C9orf85: variants seen among roughly 807,000 people sequenced by gnomAD.
The protein encoded by C9orf85 is uncharacterized protein C9orf85.
A neutral mutation model predicts 14.9 loss-of-function variants in C9orf85; 16 were observed. The observed-to-expected ratio is 1.08, with a 90% CI of 0.73 to 1.63. The LOEUF (loss-of-function observed/expected upper bound fraction) is 1.63, where lower values mean the gene tolerates loss of function less well. Ranked by LOEUF, C9orf85 falls within the 40% of genes most tolerant of loss-of-function variation. C9orf85 has a pLI of 0.00. For missense variants in C9orf85, 172 were observed against 186.1 expected, an observed-to-expected ratio of 0.92 and a Z score of 0.44; for synonymous variants, 45 against 56.8, an observed-to-expected ratio of 0.79 and a Z score of 0.93.
At chr9:71,954,275 G>C (rs1822324484) in intron 2 of C9orf85, among the ~76,000 whole-genome samples, 1 of 147,016 alleles carries the variant, frequency 6.8e-6, no homozygotes, top group African/African-American at 2.5e-5. Context: ...GGATTGGTTG[G>C]TCGGGGGGAG....
intron 2 of C9orf85, among the ~76,000 whole-genome samples, chr9:71,962,864 C>T (rs964155653): frequency 2.0e-5 from 3 of 152,012 alleles, no homozygotes; most frequent in Non-Finnish European, 2.9e-5. Flanking sequence ...GAGACCAGCC[C>T]GGCAAACATG....
intron 2 of C9orf85, among the ~76,000 whole-genome samples, chr9:71,952,527 G>A (rs1451482920): frequency 4.6e-5 from 7 of 152,026 alleles, no homozygotes; most frequent in African/African-American, 1.7e-4. Flanking sequence ...ACCACACCCG[G>A]CTAATTTTTT....
intron 2 of C9orf85, among the ~76,000 whole-genome samples, chr9:71,951,569 T>C (rs1822247225): frequency 6.6e-6 from 1 of 152,202 alleles, no homozygotes; most frequent in Non-Finnish European, 1.5e-5. Context: ...GCAATGGTGC[T>C]GTCAGTATCT....
chr9:71,913,864 C>G (rs1240376164), intron 1 of C9orf85, among the ~76,000 whole-genome samples: 2 of 144,000 alleles, frequency 1.4e-5, no homozygotes, highest in African/African-American at 5.1e-5. Context: ...CACTAAGTTG[C>G]ATTTGACCAT....
intron 3 of C9orf85, among the ~76,000 whole-genome samples, chr9:71,972,169 C>G (rs889790280): frequency 1.3e-5 from 2 of 151,976 alleles, no homozygotes; most frequent in Admixed American, 1.3e-4. Context: ...TATTTAACAA[C>G]TTTTCTTTTA....
At chr9:71,970,158 G>C (rs1822821039) in intron 2 of C9orf85, among the ~76,000 whole-genome samples, 1 of 152,052 alleles carries the variant, frequency 6.6e-6, no homozygotes, top group African/African-American at 2.4e-5. Flanking sequence ...ATGTTGGCCA[G>C]GCTAGTCTCA....
intron 3 of C9orf85, among the ~76,000 whole-genome samples, chr9:71,981,758 TG>T (rs1389853257): frequency 6.6e-6 from 1 of 152,228 alleles, no homozygotes; most frequent in African/African-American, 2.4e-5. Flanking sequence ...ATTTTTTTGC[TG>T]TTAAAAAGGA....
At chr9:71,945,209 G>A (rs1008606265) in intron 1 of C9orf85, among the ~76,000 whole-genome samples, 4 of 152,246 alleles carry the variant, frequency 2.6e-5, no homozygotes, top group African/African-American at 9.6e-5. Context: ...TGCTTAGTAA[G>A]ATGTTCTAGA....
chr9:71,931,966 A>G (rs1828081159), intron 1 of C9orf85, among the ~76,000 whole-genome samples: 2 of 152,292 alleles, frequency 1.3e-5, no homozygotes, highest in South Asian at 4.1e-4. Context: ...CTTAAGGATC[A>G]TCTGGAAAGC....
chr9:71,916,976 G>C (rs1240107408), intron 1 of C9orf85, among the ~76,000 whole-genome samples: 1 of 152,154 alleles, frequency 6.6e-6, no homozygotes, highest in Non-Finnish European at 1.5e-5. Flanking sequence ...TAAGATAGAT[G>C]CAAAATGATC....
At chr9:71,973,823 C>A (rs567842711), downstream of C9orf85, among the ~76,000 whole-genome samples, 305 of 145,738 alleles carry the variant, frequency 2.1e-3, 2 homozygotes, top group African/African-American at 6.6e-3. Context: ...TGTTTGTACT[C>A]CTAAACAATA....
At chr9:71,957,436 T>G (rs1398288016) in intron 2 of C9orf85, among the ~76,000 whole-genome samples, 1 of 152,118 alleles carries the variant, frequency 6.6e-6, no homozygotes. Flanking sequence ...TATTACTCAG[T>G]GAAAAACTGA....
intron 1 of C9orf85, among the ~76,000 whole-genome samples, chr9:71,922,867 C>T (rs192190050): frequency 3.2e-3 from 489 of 152,334 alleles, no homozygotes; most frequent in African/African-American, 0.011. Context: ...TCATGGCTCA[C>T]GCCTGTAATC....
chr9:71,964,703 A>G (rs1199409869), intron 2 of C9orf85, among the ~76,000 whole-genome samples: 1 of 152,208 alleles, frequency 6.6e-6, no homozygotes, highest in Non-Finnish European at 1.5e-5. Flanking sequence ...TCTTGAAGTC[A>G]GTGAGACCAA....
At chr9:71,966,558 G>C (rs574264314) in intron 2 of C9orf85, among the ~76,000 whole-genome samples, 11 of 152,248 alleles carry the variant, frequency 7.2e-5, no homozygotes, top group South Asian at 6.2e-4. Flanking sequence ...ATAATACATA[G>C]ATTAACAAGG....
At chr9:71,981,303 C>T (rs1823091030) in intron 3 of C9orf85, among the ~76,000 whole-genome samples, 1 of 152,218 alleles carries the variant, frequency 6.6e-6, no homozygotes, top group Non-Finnish European at 1.5e-5. Context: ...ATACAGCATC[C>T]TCTTTTTCTA....
intron 2 of C9orf85, among the ~76,000 whole-genome samples, chr9:71,970,091 T>G (rs1822818031): frequency 6.6e-6 from 1 of 152,110 alleles, no homozygotes; most frequent in Non-Finnish European, 1.5e-5. Flanking sequence ...ATTGCAGATG[T>G]GCTCCCCCAT....
chr9:71,974,996 ACTT>A (rs1226543709), downstream of C9orf85, among the ~76,000 whole-genome samples: 16 of 152,256 alleles, frequency 1.1e-4, no homozygotes, highest in African/African-American at 3.4e-4. Context: ...ATACTGAAAT[ACTT>A]AAGGATGTAA....
At position 71,934,080 on chromosome 9, in the gene C9orf85, A is replaced by C. The variant is rs11143033; in HGVS notation, c.103-12926A>C. Among the ~76,000 whole-genome samples, 299 of 152,316 alleles carry C rather than the reference A, an allele frequency of 2.0e-3. 8 individuals are homozygous for C. In the East Asian group the frequency reaches 0.055, roughly 28 times the overall value. On this transcript the variant is annotated intron_variant, in intron 1 of 3. Transcript: ENST00000334731. ...TTACCTGGGCTGGGCATGGTGGCTC[A>C]TGCCTGTAATCCCAGCACTTTGAGG...
Sources: allele counts gnomAD v4.1 joint callset (sites outside exome capture counted in the v4.1 genomes callset), GRCh38; gene constraint gnomAD v4.1.1; transcripts MANE v1.5; gene names NCBI Gene and HGNC (gene_info 2026-07-23, HGNC 2026-07-21).